BPTF: variants seen among roughly 807,000 people sequenced by gnomAD.
The protein encoded by BPTF is nucleosome-remodeling factor subunit BPTF.
Under a neutral mutation model 292.5 loss-of-function variants are expected in BPTF, and 18 were observed. That is an observed-to-expected ratio of 0.06 (90% CI 0.04 to 0.09). BPTF has a LOEUF of 0.09. Among genes scored for constraint, BPTF ranks in the 10% least tolerant of loss-of-function variants. The probability of loss-of-function intolerance (pLI) is 1.00; values close to 1 mark genes in which losing one functional copy is unlikely to be tolerated. For synonymous variants in BPTF, 1,225 were observed against 1,251.9 expected, an observed-to-expected ratio of 0.98 and a Z score of 0.45; for missense variants, 2,726 against 3,498.7, an observed-to-expected ratio of 0.78 and a Z score of 5.57.
intron 1 of BPTF, among the ~76,000 whole-genome samples, chr17:67,842,817 C>CAAAAAAAAAAAAAAAAA (rs60085248): frequency 6.3e-5 from 3 of 47,786 alleles, no homozygotes; most frequent in African/African-American, 1.5e-4. Flanking sequence ...CAATTAAGGC[C>CAAAAAAAAAAAAAAAAA]AAAAAAAAAA....
chr17:67,842,935 A>G (rs1256024894), intron 1 of BPTF, among the ~76,000 whole-genome samples: 2 of 151,654 alleles, frequency 1.3e-5, no homozygotes, highest in Non-Finnish European at 2.9e-5. Flanking sequence ...AGGAAATACT[A>G]GAACTTCAGA....
rs554044166 is a variant in BPTF at position 67,949,566 on chromosome 17, C to T, written c.7926+1260C>T. 2.7e-5 allele frequency among the ~76,000 whole-genome samples: 4 copies of T among 150,762 alleles called. No individual in the cohort carries two copies. In the East Asian group the frequency reaches 7.8e-4, roughly 29 times the overall value. Reference sequence around the variant, plus strand: ...CTCTAGCCTGGACAACAGAGTGAGACTCCATCTCAAAAAAAAAAAAGTAGA... The same window carrying T: ...CTCTAGCCTGGACAACAGAGTGAGATTCCATCTCAAAAAAAAAAAAGTAGA... On this transcript the variant is annotated intron_variant, in intron 23 of 27. Transcript: ENST00000306378.
At chr17:67,890,120 T>G (rs986271145) in intron 4 of BPTF, among the ~76,000 whole-genome samples, 3 of 152,230 alleles carry the variant, frequency 2.0e-5, no homozygotes, top group African/African-American at 7.2e-5. Context: ...ACTGTAGTAG[T>G]GTGATATTTT....
At position 67,839,043 on chromosome 17, in the gene BPTF, A is replaced by C. The variant is rs558244245; in HGVS notation, c.613+12706A>C. On this transcript the variant is annotated intron_variant, in intron 1 of 27. Coordinates refer to ENST00000306378, the MANE Select transcript of BPTF (RefSeq NM_182641.4). ...TGTGTCATCTGCAAAAATGAATCATATGTACACATCTGATTTTCTTACATT... is the reference window on the plus strand; with the variant it reads ...TGTGTCATCTGCAAAAATGAATCATCTGTACACATCTGATTTTCTTACATT... Among the ~76,000 whole-genome samples, 4 of 152,278 alleles carry C rather than the reference A, an allele frequency of 2.6e-5. No individual in the cohort carries two copies. The South Asian group carries it at 8.3e-4, about 32-fold the overall frequency.
At chr17:67,928,941 T>G (rs2064136973) in intron 16 of BPTF, 2 of 1,168,404 alleles carry the variant, frequency 1.7e-6, no homozygotes, top group Non-Finnish European at 2.1e-6. Flanking sequence ...GCTTATTAAA[T>G]GTCTTATACC....
intron 7 of BPTF, among the ~76,000 whole-genome samples, chr17:67,895,332 C>CAAAAA (rs35234780): frequency 1.9e-4 from 11 of 56,640 alleles, no homozygotes; most frequent in East Asian, 1.5e-3. Flanking sequence ...GACTTCATCT[C>CAAAAA]AAAAAAAAAA....
At chr17:67,843,465 C>CA (rs1359375621) in intron 1 of BPTF, among the ~76,000 whole-genome samples, 1 of 150,252 alleles carries the variant, frequency 6.7e-6, no homozygotes, top group Non-Finnish European at 1.5e-5. Context: ...CTCAGCCTCT[C>CA]AAAGTGCTGG....
At chr17:67,831,171 G>T (rs1335180841) in intron 1 of BPTF, among the ~76,000 whole-genome samples, 1 of 152,136 alleles carries the variant, frequency 6.6e-6, no homozygotes, top group Non-Finnish European at 1.5e-5. Context: ...GGGTTTTGTA[G>T]CCCTGGATGG....
intron 1 of BPTF, among the ~76,000 whole-genome samples, chr17:67,832,193 T>C (rs1356663951): frequency 1.3e-5 from 2 of 152,018 alleles, no homozygotes; most frequent in African/African-American, 2.4e-5. Context: ...CGGCCTCTAA[T>C]TTTTTTCATG....
intron 1 of BPTF, among the ~76,000 whole-genome samples, chr17:67,835,317 T>G (rs1362935477): frequency 1.3e-5 from 2 of 152,218 alleles, no homozygotes; most frequent in African/African-American, 4.8e-5. Context: ...ACCACACAAA[T>G]GTAGAGCATT....
intron 23 of BPTF, among the ~76,000 whole-genome samples, chr17:67,953,945 C>T (rs1286973476): frequency 4.9e-5 from 5 of 102,328 alleles, no homozygotes; most frequent in African/African-American, 4.1e-5. Flanking sequence ...TATCTTTTTT[C>T]TTTTTCTTTT....
At chr17:67,909,836 GGTACTGCGTTGTGTTTTCTTGATAA>G in intron 10 of BPTF, 75 bp downstream of exon 10, 1 of 1,243,586 alleles carries the variant, frequency 8.0e-7, no homozygotes, top group Non-Finnish European at 1.1e-6. Flanking sequence ...CCACAGGAAA[GGTACTGCGTTGTGTTTTCTTGATAA>G]CAGCTTTATC....
Position 67,929,372 on chromosome 17 carries a change from T to C in BPTF, c.6035T>C (p.Ile2012Thr), listed in dbSNP as rs187498805. 3.5e-5 allele frequency: 57 copies of C among 1,614,156 alleles called. No individual in the cohort carries two copies. The Admixed American group carries it at 4.2e-4, about 12-fold the overall frequency. ...VQVQQKVLGI[I>T]PSSTGTSQQT... Reference sequence around the variant, plus strand: ...GTACAGCAGAAAGTCCTGGGTATCATTCCATCAAGTACAGGTACCAGTCAG... The same window carrying C: ...GTACAGCAGAAAGTCCTGGGTATCACTCCATCAAGTACAGGTACCAGTCAG... The change falls in exon 17 of 28, where the codon ATT (isoleucine) becomes ACT (threonine). Residue 2012 changes from isoleucine to threonine, a missense_variant. This residue lies in a region of BPTF where 198 missense variants were observed against 277.1 expected (regional missense o/e 0.71). Transcript: ENST00000306378.
chr17:67,927,912 G>A (rs1263267229), intron 15 of BPTF, among the ~76,000 whole-genome samples: 1 of 151,450 alleles, frequency 6.6e-6, no homozygotes. Context: ...TAGAGATGGA[G>A]TCACTCTGTC....
intron 23 of BPTF, 120 bp from the exon 24 acceptor site, chr17:67,959,421 T>C (rs2067254869): frequency 1.4e-6 from 1 of 730,592 alleles, no homozygotes; most frequent in South Asian, 4.3e-5. Context: ...ACTAAAACTC[T>C]CACGTTAGGC....
intron 1 of BPTF, among the ~76,000 whole-genome samples, chr17:67,840,101 C>G (rs944125025): frequency 6.7e-5 from 9 of 134,648 alleles, no homozygotes; most frequent in African/African-American, 2.8e-4. Flanking sequence ...TGGAAAAATA[C>G]TGATTTTTTT....
intron 14 of BPTF, 64 bp downstream of exon 14, chr17:67,923,054 T>TCAATAA: frequency 6.8e-7 from 1 of 1,467,542 alleles, no homozygotes; most frequent in Non-Finnish European, 9.2e-7. Context: ...ATCAATAAAT[T>TCAATAA]ACTTTTTTTT....
At chr17:67,917,383 A>G (rs1394521635) in intron 11 of BPTF, among the ~76,000 whole-genome samples, 2 of 151,992 alleles carry the variant, frequency 1.3e-5, no homozygotes, top group African/African-American at 4.8e-5. Flanking sequence ...TTGGCCTCCC[A>G]AAGTGCTGGG....
chr17:67,836,507 A>G (rs1324562255), intron 1 of BPTF, among the ~76,000 whole-genome samples: 1 of 152,210 alleles, frequency 6.6e-6, no homozygotes, highest in Non-Finnish European at 1.5e-5. Context: ...TAATTCTTGC[A>G]TAGATACTTG....
Sources: allele counts gnomAD v4.1 joint callset (sites outside exome capture counted in the v4.1 genomes callset), GRCh38; gene constraint gnomAD v4.1.1; regional missense constraint gnomAD v4.1.1; transcripts MANE v1.5; gene names NCBI Gene and HGNC (gene_info 2026-07-23, HGNC 2026-07-21).